POLR2F: variants seen among roughly 807,000 people sequenced by gnomAD.
POLR2F encodes the protein RNA polymerase II, I and III subunit F.
A neutral mutation model predicts 22.7 loss-of-function variants in POLR2F; 12 were observed. The ratio of observed to expected loss-of-function variants is 0.53; its 90% CI spans 0.34 to 0.86. The LOEUF is 0.86. Ranked by LOEUF, POLR2F falls within the 40% of genes least tolerant of loss-of-function variation. The probability of loss-of-function intolerance (pLI) is 0.02; values close to 1 mark genes in which losing one functional copy is unlikely to be tolerated. For missense variants in POLR2F, 126 were observed against 171.5 expected (o/e 0.73, Z 1.48); for synonymous variants, 57 against 66.0 (o/e 0.86, Z 0.66).
upstream of POLR2F, among the ~76,000 whole-genome samples, chr22:37,982,427 C>T (rs948777620): frequency 2.0e-5 from 3 of 152,164 alleles, no homozygotes; most frequent in Non-Finnish European, 4.4e-5. Context: ...TTCCACACAT[C>T]CCCAGGAGGC....
chr22:37,970,255 C>T (rs1256673105), downstream of POLR2F, among the ~76,000 whole-genome samples: 1 of 146,538 alleles, frequency 6.8e-6, no homozygotes, highest in African/African-American at 2.6e-5. Flanking sequence ...GATCCCGCTA[C>T]TGCACTCCAG....
intron 3 of POLR2F, among the ~76,000 whole-genome samples, chr22:37,962,800 C>T (rs1931700613): frequency 1.3e-5 from 2 of 151,954 alleles, no homozygotes; most frequent in South Asian, 2.1e-4. Flanking sequence ...ACGCCATTCT[C>T]CTGCCTCAGC....
At chr22:37,967,076 A>G (rs1366865769) in intron 3 of POLR2F, 23 bp from the exon 4 acceptor site, 2 of 1,591,804 alleles carry the variant, frequency 1.3e-6, no homozygotes, top group African/African-American at 1.4e-5. Flanking sequence ...TAGTCTCCCT[A>G]ACACCTGTCC....
chr22:37,997,833 G>A lies in POLR2F; in HGVS notation c.120+11521G>A, dbSNP rs1183453231. ...GTGAGCCCACAGCTCACCGTCTGTC[G>A]AGGGGGGACAGGCAGGAGGTAAGGA... On this transcript the variant is annotated intron_variant, in intron 1 of 2. Transcript: ENST00000333418. This position sits in a 1 kb window ranked among gnomAD's most constrained non-coding sequence, Gnocchi z 4.4. 3.9e-5 allele frequency among the ~76,000 whole-genome samples: 6 copies of A among 152,126 alleles called. No homozygotes were observed. Among genetic ancestry groups the A allele is most frequent in the South Asian group, 2.1e-4 (1 of 4,830 alleles).
Position 37,959,377 on chromosome 22 carries a change from C to G in POLR2F, c.122C>G (p.Ser41Cys), listed in dbSNP as rs775564769. 1.2e-6 allele frequency: 2 copies of G among 1,613,862 alleles called. No individual in the cohort carries two copies. The highest frequency in any genetic ancestry group is 1.7e-6 in the Non-Finnish European group (2 of 1,179,714). ...EGQENVEILP[S>C]GERPQANQKR... is the part of the protein sequence containing the mutation. ...CAGGAGAATGTCGAGATCCTCCCCT[C>G]TGGGGAGCGACCGCAGGCCAACCAG... The change falls in exon 3 of 5, where the codon TCT (serine) becomes TGT (cysteine). Residue 41 changes from serine to cysteine, a missense_variant. Coordinates refer to ENST00000442738, the MANE Select transcript of POLR2F (RefSeq NM_021974.5).
chr22:37,982,679 GAA>G (rs1424774478), upstream of POLR2F, among the ~76,000 whole-genome samples: 6 of 152,220 alleles, frequency 3.9e-5, no homozygotes, highest in Non-Finnish European at 8.8e-5. Context: ...GGAGAGGGAG[GAA>G]AGAGATCAGC....
At position 37,967,854 on chromosome 22, in the gene POLR2F, C is replaced by G; in HGVS notation, c.*139C>G. The G allele has an allele frequency of 2.1e-6, 3 of 1,425,946 alleles. No homozygotes were observed. The highest frequency in any genetic ancestry group is 2.7e-6 in the Non-Finnish European group (3 of 1,093,368). 88.3% of individuals were successfully genotyped at this position (1,425,946 alleles called of 1,614,324 possible). On this transcript the variant is annotated 3_prime_UTR_variant, in exon 5 of 5. Transcript: ENST00000442738. Reference sequence around the variant, plus strand: ...GTCACCACCTGTTGCTTCCCCGTTACCGCCATGCTGCGTGGAGCATGCACC... The same window carrying G: ...GTCACCACCTGTTGCTTCCCCGTTAGCGCCATGCTGCGTGGAGCATGCACC...
chr22:38,019,349 G>A (rs945568747), intron 1 of POLR2F, among the ~76,000 whole-genome samples: 1 of 152,154 alleles, frequency 6.6e-6, no homozygotes, highest in Non-Finnish European at 1.5e-5. Flanking sequence ...TGTGCCCTGG[G>A]CAACCATCAG....
intron 2 of POLR2F, among the ~76,000 whole-genome samples, chr22:37,957,922 G>A (rs766114914): frequency 6.6e-6 from 1 of 152,164 alleles, no homozygotes; most frequent in African/African-American, 2.4e-5. Context: ...TTCTGCCACT[G>A]CCCCCTGCAG....
At chr22:37,973,395 GCCT>G (rs1413316977), downstream of POLR2F, 1 of 809,398 alleles carries the variant, frequency 1.2e-6, no homozygotes, top group Non-Finnish European at 1.9e-6. Flanking sequence ...AGCCTCCTCA[GCCT>G]CCTCCACTGC....
intron 1 of POLR2F, chr22:37,987,574 G>C (rs1246100254): frequency 5.9e-6 from 2 of 340,366 alleles, no homozygotes; most frequent in African/African-American, 4.3e-5. Context: ...TGAGATGAAG[G>C]TCAGGAAATC....
intron 5 of POLR2F, chr22:38,032,173 T>A (rs2085071948): frequency 6.6e-6 from 1 of 152,166 alleles, no homozygotes; most frequent in Non-Finnish European, 1.5e-5. Flanking sequence ...AATTTTTAAT[T>A]TTTTTGTAGA....
chr22:38,016,221 G>A lies in POLR2F; in HGVS notation c.121-9648G>A, dbSNP rs2084914186. ...AGGCACAGCTGGGCCAAAGCCTGGG[G>A]TCATCATCATGTAGACCCAAAGTGG... On this transcript the variant is annotated intron_variant, in intron 1 of 2. Transcript: ENST00000333418. This position sits in a 1 kb window ranked among gnomAD's most constrained non-coding sequence, Gnocchi z 4.4. 6.6e-6 allele frequency among the ~76,000 whole-genome samples: 1 copy of A among 152,188 alleles called. No individual in the cohort carries two copies. Among genetic ancestry groups the A allele is most frequent in the Non-Finnish European group, 1.5e-5 (1 of 68,040 alleles).
rs1932373054 is a variant in POLR2F, at chr22:37,980,790, A to G, written c.293+13620A>G. On this transcript the variant is annotated intron_variant, in intron 4 of 4. Transcript: ENST00000405557. The surrounding 1 kb of genome is among the most constrained non-coding windows in gnomAD (Gnocchi z 4.1). ...GGCTGATTCCTCACCCAAACTGGAA[A>G]CCCCAACCGGGGACCTCCCACAGTG... is the stretch of plus-strand genomic sequence containing the variant. Among the ~76,000 whole-genome samples the G allele has an allele frequency of 6.6e-6, 1 of 152,146 alleles. No homozygotes were observed. The highest frequency in any genetic ancestry group is 2.1e-4 in the South Asian group (1 of 4,830).
intron 1 of POLR2F, among the ~76,000 whole-genome samples, chr22:38,018,111 G>A (rs1200797226): frequency 1.3e-5 from 2 of 152,194 alleles, no homozygotes; most frequent in Non-Finnish European, 2.9e-5. Flanking sequence ...GGCTTAGAGT[G>A]GGGACTCAGG....
intron 5 of POLR2F, among the ~76,000 whole-genome samples, chr22:38,037,107 G>A (rs2085123609): frequency 6.6e-6 from 1 of 152,188 alleles, no homozygotes; most frequent in Non-Finnish European, 1.5e-5. Flanking sequence ...CCTGAGGAGA[G>A]AGGAGAATAT....
In POLR2F at chr22:37,961,945, A is replaced by G. The variant is rs181995731; in HGVS notation, c.221+2469A>G. 5.8e-4 allele frequency among the ~76,000 whole-genome samples: 88 copies of G among 152,140 alleles called. 3 individuals are homozygous for G. In the East Asian group the frequency reaches 0.017, roughly 29 times the overall value. On this transcript the variant is annotated intron_variant, in intron 3 of 4. Coordinates refer to ENST00000442738, the MANE Select transcript of POLR2F (RefSeq NM_021974.5). ...ATAATGGAAATTAGCCTAGAAAGAA[A>G]AGCAGCTGGGTGCCGTGGCTCACAA...
At chr22:38,010,629 T>G (rs2084863696) in intron 1 of POLR2F, among the ~76,000 whole-genome samples, 2 of 141,444 alleles carry the variant, frequency 1.4e-5, no homozygotes, top group African/African-American at 5.5e-5. Context: ...TTTTTTTTTT[T>G]GCTTTGAGAG....
At chr22:38,026,266 C>A in intron 2 of POLR2F, 1 of 533,282 alleles carries the variant, frequency 1.9e-6, no homozygotes, top group South Asian at 1.4e-5. Context: ...TCTTTCCCTC[C>A]TGCCCAGGGT....
Sources: gnomAD v4.1 joint callset for allele counts (sites outside exome capture counted in the v4.1 genomes callset) on GRCh38, gnomAD v4.1.1 for gene constraint, Gnocchi (gnomAD v3.1) non-coding constraint, MANE v1.5 for transcripts, NCBI Gene and HGNC (gene_info 2026-07-23, HGNC 2026-07-21) for gene names.